MRPL54: variants seen among roughly 807,000 people sequenced by gnomAD.
MRPL54 encodes mitochondrial ribosomal protein L54, also known as large ribosomal subunit protein mL54.
In MRPL54, 12 loss-of-function variants were observed where a neutral mutation model predicts 15.6. That is an observed-to-expected ratio of 0.77 (90% CI 0.49 to 1.24). The LOEUF is 1.24. MRPL54 is among the 50% of genes most tolerant of loss of function. The pLI, the probability that MRPL54 is intolerant of heterozygous loss-of-function variation, is 0.00. For synonymous variants in MRPL54, 91 were observed against 75.7 expected (o/e 1.20, Z -1.05); for missense variants, 178 against 186.8 (o/e 0.95, Z 0.28).
At position 3,767,381 on chromosome 19, in the gene MRPL54, C is replaced by T; in HGVS notation, c.405C>T (p.Asn135=). The change falls in exon 3 of 3, where the codon AAC becomes AAT. Residue 135 remains asparagine, a synonymous_variant. Transcript: ENST00000330133. ...NIWRHNRLSK[N]KRL is the part of the protein sequence containing the mutation. ...GGCGCCACAACCGGCTGAGCAAGAACAAGAGGTTGTAGCATGGAGGGCCCG... is the reference window on the plus strand; with the variant it reads ...GGCGCCACAACCGGCTGAGCAAGAATAAGAGGTTGTAGCATGGAGGGCCCG... The T allele has an allele frequency of 6.2e-7, 1 of 1,610,322 alleles. No homozygotes were observed. The highest frequency in any genetic ancestry group is 1.1e-5 in the South Asian group (1 of 90,900).
chr19:3,763,146 C>T (rs1253773350), intron 1 of MRPL54, among the ~76,000 whole-genome samples: 1 of 152,226 alleles, frequency 6.6e-6, no homozygotes, highest in Non-Finnish European at 1.5e-5. Flanking sequence ...CTGGGGAGGT[C>T]ATGAACTTGG....
chr19:3,765,319 A>C lies in MRPL54; in HGVS notation c.272A>C (p.Glu91Ala). The C allele has an allele frequency of 6.2e-7, 1 of 1,613,774 alleles. No individual in the cohort carries two copies. ...GQDVPLKPDA[E>A]YPEWLFEMNL... ...GATGTACCCCTGAAACCGGATGCTG[A>C]GTACCCTGAATGGTGAGTAGGCCAG... Residue 91 changes from glutamate (E) to alanine (A), a missense_variant, in exon 2 of 3, where the codon GAG becomes GCG. Coordinates refer to ENST00000330133, the MANE Select transcript of MRPL54 (RefSeq NM_172251.3).
chr19:3,764,691 C>T (rs188972918), intron 1 of MRPL54, among the ~76,000 whole-genome samples: 56 of 149,870 alleles, frequency 3.7e-4, no homozygotes, highest in African/African-American at 1.3e-3. Flanking sequence ...GCTGGGATTA[C>T]AGGCATGAGC....
rs566862591 is a variant in MRPL54, at chr19:3,765,336, G to A, written c.284+5G>A. 336 of 1,613,222 alleles carry A rather than the reference G, an allele frequency of 2.1e-4. 2 individuals are homozygous for A. In the South Asian group the frequency reaches 3.5e-3, roughly 17 times the overall value. On this transcript the variant is annotated splice_donor_5th_base_variant and intron_variant, in intron 2 of 2. Coordinates refer to ENST00000330133, the MANE Select transcript of MRPL54 (RefSeq NM_172251.3). ...GGATGCTGAGTACCCTGAATGGTGA[G>A]TAGGCCAGGCTGTGTCATCCTGCAA...
chr19:3,764,889 G>A (rs914431562), intron 1 of MRPL54, among the ~76,000 whole-genome samples: 43 of 151,848 alleles, frequency 2.8e-4, no homozygotes, highest in African/African-American at 6.5e-4. Flanking sequence ...TTAGCTGGGC[G>A]TGGTGGTGGG....
intron 2 of MRPL54, among the ~76,000 whole-genome samples, chr19:3,766,208 G>A (rs933440184): frequency 4.6e-5 from 7 of 151,960 alleles, no homozygotes; most frequent in Non-Finnish European, 1.0e-4. Flanking sequence ...CTCCCGAGTA[G>A]CTGGGATTAC....
chr19:3,762,697 C>T lies in MRPL54; in HGVS notation c.-4C>T, dbSNP rs746888719. 5 of 1,611,228 alleles carry T rather than the reference C, an allele frequency of 3.1e-6. No homozygotes were observed. The highest frequency in any genetic ancestry group is 1.1e-5 in the South Asian group (1 of 90,936). On this transcript the variant is annotated 5_prime_UTR_variant, in exon 1 of 3. The change creates a new upstream start codon in the 5' untranslated region. Transcript: ENST00000330133. The stretch of plus-strand genomic sequence containing the variant: ...GTGCACTTGCAAGCTGCCCGCAATA[C>T]GTCATGGCGACCAAACGCCTTTTCG...
chr19:3,766,717 G>A (rs1259380086), intron 2 of MRPL54, among the ~76,000 whole-genome samples: 1 of 152,216 alleles, frequency 6.6e-6, no homozygotes, highest in Non-Finnish European at 1.5e-5. Context: ...GTGTTTGGCT[G>A]CTCTAGTTTG....
chr19:3,763,130 G>A (rs1348790137), intron 1 of MRPL54, among the ~76,000 whole-genome samples: 2 of 152,240 alleles, frequency 1.3e-5, no homozygotes, highest in African/African-American at 4.8e-5. Flanking sequence ...AGGATTTGAA[G>A]GGAGTCTGGG....
chr19:3,762,687 G>C lies in MRPL54; in HGVS notation c.-14G>C, dbSNP rs2037160725. The stretch of plus-strand genomic sequence containing the variant: ...TTCCGGAAACGTGCACTTGCAAGCT[G>C]CCCGCAATACGTCATGGCGACCAAA... On this transcript the variant is annotated 5_prime_UTR_variant, in exon 1 of 3. Transcript: ENST00000330133. 1 of 1,609,610 alleles carries C rather than the reference G, an allele frequency of 6.2e-7. No individual in the cohort carries two copies. Among genetic ancestry groups the C allele is most frequent in the Non-Finnish European group, 8.5e-7 (1 of 1,177,812 alleles).
chr19:3,763,577 G>C (rs4807507), intron 1 of MRPL54, among the ~76,000 whole-genome samples: 88,748 of 150,746 alleles, frequency 0.59, 26,497 homozygotes, highest in East Asian at 0.67. Context: ...CCAGGAGTTC[G>C]AGACCAGCCT....
Position 3,767,163 on chromosome 19 carries a change from GC to G in MRPL54, c.285-97del, listed in dbSNP as rs1488782993. The G allele has an allele frequency of 2.8e-5, 41 of 1,453,666 alleles. No homozygotes were observed. The South Asian group carries it at 5.7e-4, about 20-fold the overall frequency. 90.0% of individuals were successfully genotyped at this position (1,453,666 alleles called of 1,614,324 possible). The stretch of plus-strand genomic sequence containing the variant: ...ATCATGCAGCCAACCAGTGGGCCTG[GC>G]ACCCAGCCCCGTCGCCGCCTCTGCC... On this transcript the variant is annotated intron_variant, in intron 2 of 2. Coordinates refer to ENST00000330133, the MANE Select transcript of MRPL54 (RefSeq NM_172251.3).
In MRPL54 at chr19:3,762,789, T is replaced by C. The variant is rs775967040; in HGVS notation, c.89T>C (p.Leu30Pro). 3 of 1,597,102 alleles carry C rather than the reference T, an allele frequency of 1.9e-6. No individual in the cohort carries two copies. Among genetic ancestry groups the C allele is most frequent in the Non-Finnish European group, 2.6e-6 (3 of 1,171,360 alleles). Reference protein sequence around the residue: ...ELLNPATSGRLLARDYAKKPV... With the variant: ...ELLNPATSGRPLARDYAKKPV... ...CTAAACCCCGCCACTTCCGGAAGAC[T>C]CCTGGCCCGGGATTATGCCAAGAAA... The change falls in exon 1 of 3, where the codon CTC becomes CCC. Residue 30 changes from leucine to proline, a missense_variant. Transcript: ENST00000330133.
chr19:3,762,864 A>AGGAATTGACAGTGC, intron 1 of MRPL54, 46 bp downstream of exon 1: 3 of 1,388,556 alleles, frequency 2.2e-6, no homozygotes, highest in Non-Finnish European at 2.9e-6. Context: ...GGGTGCACTG[A>AGGAATTGACAGTGC]GGAATTGACA....
rs549819700 is a variant in MRPL54, at chr19:3,764,161, C to T, written c.119-1005C>T. Among the ~76,000 whole-genome samples, 414 of 151,992 alleles carry T rather than the reference C, an allele frequency of 2.7e-3. 2 individuals carry two copies. The highest frequency in any genetic ancestry group is 9.6e-3 in the African/African-American group (400 of 41,550). ...GCAGTGGCGCAATCTTGGCTCACTG[C>T]AAGCTCCGCCTCCTGGGTTCACGCC... On this transcript the variant is annotated intron_variant, in intron 1 of 2. Coordinates refer to ENST00000330133, the MANE Select transcript of MRPL54 (RefSeq NM_172251.3).
chr19:3,763,406 C>T (rs906745795), intron 1 of MRPL54, among the ~76,000 whole-genome samples: 6 of 152,108 alleles, frequency 3.9e-5, no homozygotes, highest in Admixed American at 2.0e-4. Context: ...TTGGTCATTC[C>T]AAGCATCGGT....
intron 1 of MRPL54, among the ~76,000 whole-genome samples, chr19:3,763,598 G>A (rs940900990): frequency 1.1e-4 from 15 of 141,324 alleles, no homozygotes; most frequent in Admixed American, 9.0e-4. Flanking sequence ...GGGCAACATA[G>A]CAGGACCCTG....
intron 2 of MRPL54, 105 bp from the exon 3 acceptor site, chr19:3,767,156 G>A: frequency 3.5e-6 from 5 of 1,417,878 alleles, no homozygotes; most frequent in Non-Finnish European, 3.7e-6. Flanking sequence ...GCCAACCAGT[G>A]GGCCTGGCAC....
intron 2 of MRPL54, 47 bp downstream of exon 2, chr19:3,765,378 C>T (rs763122339): frequency 1.6e-5 from 26 of 1,597,982 alleles, no homozygotes; most frequent in Admixed American, 5.2e-5. Flanking sequence ...TTCCTTCCTC[C>T]GCCCCAGGAG....
Sources: gnomAD v4.1 joint callset for allele counts (sites outside exome capture counted in the v4.1 genomes callset) on GRCh38, gnomAD v4.1.1 for gene constraint, MANE v1.5 for transcripts, NCBI Gene and HGNC (gene_info 2026-07-23, HGNC 2026-07-21) for gene names.